CDC42EP5: variants seen among roughly 807,000 people sequenced by gnomAD.
The protein encoded by CDC42EP5 is CDC42 effector protein (Rho GTPase binding) 5.
For synonymous variants in CDC42EP5, 118 were observed against 123.3 expected, an observed-to-expected ratio of 0.96 and a Z score of 0.28; for missense variants, 269 against 238.0, an observed-to-expected ratio of 1.13 and a Z score of -0.86.
intron 2 of CDC42EP5, among the ~76,000 whole-genome samples, chr19:54,466,670 A>AT (rs1479066766): frequency 7.3e-6 from 1 of 137,496 alleles, no homozygotes; most frequent in African/African-American, 2.5e-5. Context: ...TCAACTGCTG[A>AT]TAAAAAATAC....
At chr19:54,465,903 G>A (rs2084751369) in intron 2 of CDC42EP5, among the ~76,000 whole-genome samples, 1 of 151,948 alleles carries the variant, frequency 6.6e-6, no homozygotes, top group Non-Finnish European at 1.5e-5. Context: ...CCAAAATGCT[G>A]GGATAACAGG....
At position 54,465,134 on chromosome 19, in the gene CDC42EP5, C is replaced by T; in HGVS notation, c.414G>A (p.Ala138=). ...QPPQARCRPN[A]DLELNDVIGL ...CGATGACGTCGTTCAGCTCGAGGTC[C>T]GCGTTGGGGCGGCAGCGGGCCTGGG... is the stretch of plus-strand genomic sequence containing the variant. Residue 138 remains alanine, a synonymous_variant, in exon 3 of 3, where the codon GCG becomes GCA. Coordinates refer to ENST00000301200, the MANE Select transcript of CDC42EP5 (RefSeq NM_145057.4). The T allele has an allele frequency of 7.2e-7, 1 of 1,389,932 alleles. No homozygotes were observed. The allele number at this position is 1,389,932 out of a possible 1,614,324, so 86.1% of individuals were successfully genotyped here. A position where few individuals can be genotyped will look rare whatever the true frequency, so the allele number is the denominator to read the frequency against.
chr19:54,466,535 A>G (rs2084758055), intron 2 of CDC42EP5, among the ~76,000 whole-genome samples: 1 of 152,226 alleles, frequency 6.6e-6, no homozygotes, highest in African/African-American at 2.4e-5. Flanking sequence ...CATTAAGCAA[A>G]GCAGATCCTG....
chr19:54,467,757 A>C (rs1238299404), intron 2 of CDC42EP5, among the ~76,000 whole-genome samples: 1 of 152,144 alleles, frequency 6.6e-6, no homozygotes, highest in Admixed American at 6.5e-5. Flanking sequence ...TCATGACTTC[A>C]GGTGATCCGC....
Position 54,465,314 on chromosome 19 carries a change from C to T in CDC42EP5, c.234G>A (p.Gln78=), listed in dbSNP as rs780924608. ...GGTCGGCAGGCGAGGGCGCTGCGGA[C>T]TGCGGGACGGCGGGCGGCGGCGGGG... ...PRSPPPPAVP[Q]SAAPSPADPL... The change falls in exon 3 of 3, where the codon CAG becomes CAA. Residue 78 remains glutamine (Q), a synonymous_variant. Transcript: ENST00000301200. The T allele has an allele frequency of 8.2e-7, 1 of 1,212,992 alleles. No individual in the cohort carries two copies. The highest frequency in any genetic ancestry group is 1.0e-6 in the Non-Finnish European group (1 of 975,870). The allele number at this position is 1,212,992 out of a possible 1,614,324, so 75.1% of individuals were successfully genotyped here.
chr19:54,467,207 T>G (rs112904495), intron 2 of CDC42EP5, among the ~76,000 whole-genome samples: 1 of 149,906 alleles, frequency 6.7e-6, no homozygotes. Context: ...CCAGCACTTT[T>G]GGAGGCTGAA....
At chr19:54,468,781 A>T (rs2123293006) in intron 2 of CDC42EP5, among the ~76,000 whole-genome samples, 1 of 149,904 alleles carries the variant, frequency 6.7e-6, no homozygotes, top group Non-Finnish European at 1.5e-5. Context: ...CAAACTCCTG[A>T]GCTCAAGCAA....
At chr19:54,468,346 T>TACACAC (rs71959392) in intron 2 of CDC42EP5, among the ~76,000 whole-genome samples, 81 of 148,596 alleles carry the variant, frequency 5.5e-4, no homozygotes, top group East Asian at 1.6e-3. Flanking sequence ...AAGACTGGCC[T>TACACAC]ACACACACAC....
intron 2 of CDC42EP5, among the ~76,000 whole-genome samples, chr19:54,468,068 A>G (rs1346775372): frequency 6.6e-6 from 1 of 152,220 alleles, no homozygotes; most frequent in Non-Finnish European, 1.5e-5. Flanking sequence ...AAATAACACT[A>G]CCTTCCTTTC....
chr19:54,470,836 C>T (rs1274289841), intron 2 of CDC42EP5, among the ~76,000 whole-genome samples: 2 of 152,046 alleles, frequency 1.3e-5, no homozygotes, highest in East Asian at 1.9e-4. Context: ...GCATGCCACC[C>T]CATGAGAAAA....
intron 2 of CDC42EP5, among the ~76,000 whole-genome samples, chr19:54,468,952 C>T (rs1452376008): frequency 1.5e-5 from 1 of 68,094 alleles, no homozygotes. Context: ...TCCCTCCCTC[C>T]TTCCTTCCTT....
chr19:54,470,631 G>A (rs2084822746), intron 2 of CDC42EP5, among the ~76,000 whole-genome samples: 1 of 152,148 alleles, frequency 6.6e-6, no homozygotes, highest in Non-Finnish European at 1.5e-5. Context: ...TGCTTATCCT[G>A]GGCCAGGCAC....
chr19:54,471,230 C>T (rs765599748), intron 2 of CDC42EP5, among the ~76,000 whole-genome samples: 1 of 152,092 alleles, frequency 6.6e-6, no homozygotes, highest in Non-Finnish European at 1.5e-5. Flanking sequence ...CCTCCGCCCA[C>T]CCCTCTCTTT....
At position 54,471,653 on chromosome 19, in the gene CDC42EP5, G is replaced by GCGC. The variant is rs2042920148; in HGVS notation, c.-112_-110dup. The GCGC allele has an allele frequency of 6.6e-6, 1 of 152,232 alleles. No homozygotes were observed. Among genetic ancestry groups the GCGC allele is most frequent in the Non-Finnish European group, 1.5e-5 (1 of 68,120 alleles). The allele number at this position is 152,232 out of a possible 1,614,324, so 9.4% of individuals were successfully genotyped here. A position where few individuals can be genotyped will look rare whatever the true frequency, so the allele number is the denominator to read the frequency against. On this transcript the variant is annotated 5_prime_UTR_variant, in exon 2 of 3. Coordinates refer to ENST00000301200, the MANE Select transcript of CDC42EP5 (RefSeq NM_145057.4). Reference sequence around the variant, plus strand: ...GCCTCCGTCTCCTAATCCCCGGCCCGCGCCTTCCTTCTTCCTCCGGGCGGG... The same window carrying GCGC: ...GCCTCCGTCTCCTAATCCCCGGCCCGCGCCGCCTTCCTTCTTCCTCCGGGCGGG...
intron 2 of CDC42EP5, 53 bp from the exon 3 acceptor site, chr19:54,465,600 C>T (rs2084745616): frequency 6.5e-6 from 9 of 1,393,542 alleles, no homozygotes; most frequent in Admixed American, 3.5e-5. Flanking sequence ...CTCGCAGCCA[C>T]GCGACTGCTC....
intron 2 of CDC42EP5, among the ~76,000 whole-genome samples, chr19:54,468,897 TTCC>T (rs2084793073): frequency 7.2e-6 from 1 of 138,282 alleles, no homozygotes; most frequent in Non-Finnish European, 1.6e-5. Flanking sequence ...GATTCCTTCC[TTCC>T]TTCCTTCCTT....
intron 1 of CDC42EP5, among the ~76,000 whole-genome samples, chr19:54,472,087 G>A (rs1600057288): frequency 3.3e-5 from 1 of 29,960 alleles, no homozygotes; most frequent in Non-Finnish European, 6.6e-5. Flanking sequence ...AGACCCAGGA[G>A]TCCAGACCCC....
At chr19:54,469,272 G>A (rs770962908) in intron 2 of CDC42EP5, among the ~76,000 whole-genome samples, 46 of 152,034 alleles carry the variant, frequency 3.0e-4, no homozygotes, top group Non-Finnish European at 4.3e-4. Flanking sequence ...GGGATTACAG[G>A]CATGAGCCAC....
chr19:54,465,071 G>A lies in CDC42EP5; in HGVS notation c.*30C>T. 1.5e-6 allele frequency: 2 copies of A among 1,301,718 alleles called. No individual in the cohort carries two copies. Among genetic ancestry groups the A allele is most frequent in the South Asian group, 2.2e-5 (1 of 45,182 alleles). The allele number at this position is 1,301,718 out of a possible 1,614,324, so 80.6% of individuals were successfully genotyped here. A position where few individuals can be genotyped will look rare whatever the true frequency, so the allele number is the denominator to read the frequency against. On this transcript the variant is annotated 3_prime_UTR_variant, in exon 3 of 3. Transcript: ENST00000301200. The stretch of plus-strand genomic sequence containing the variant: ...TTTATGTATACAGAAGTGGGGTGCC[G>A]GGCGGGAAGGGCGCGGGGAATGAGG...
Sources: allele counts gnomAD v4.1 joint callset (sites outside exome capture counted in the v4.1 genomes callset), GRCh38; gene constraint gnomAD v4.1.1; transcripts MANE v1.5; gene names NCBI Gene and HGNC (gene_info 2026-07-23, HGNC 2026-07-21).